PPFIA1: variants seen among roughly 807,000 people sequenced by gnomAD.
PPFIA1 encodes the protein PPFI scaffold protein A1.
PPFIA1 carries 25 observed loss-of-function variants against 149.9 expected under a neutral mutation model. That is an observed-to-expected ratio of 0.17 (90% confidence interval 0.12 to 0.23). The LOEUF (loss-of-function observed/expected upper bound fraction) is 0.23. Ranked by LOEUF, PPFIA1 falls within the 10% of genes least tolerant of loss-of-function variation. The probability of loss-of-function intolerance (pLI) is 1.00; values close to 1 mark genes in which losing one functional copy is unlikely to be tolerated. For missense variants in PPFIA1, 1,362 were observed against 1,506.5 expected (o/e 0.90, Z 1.59); for synonymous variants, 549 against 552.8 (o/e 0.99, Z 0.10).
At chr11:70,306,144 C>T (rs1178439535) in intron 2 of PPFIA1, among the ~76,000 whole-genome samples, 1 of 152,160 alleles carries the variant, frequency 6.6e-6, no homozygotes, top group Non-Finnish European at 1.5e-5. Flanking sequence ...TGGAGTAAAA[C>T]ATGCACGCAC....
chr11:70,363,806 G>A (rs909790002), intron 21 of PPFIA1, among the ~76,000 whole-genome samples: 4 of 152,156 alleles, frequency 2.6e-5, no homozygotes, highest in Non-Finnish European at 5.9e-5. Context: ...GAGCCACCAT[G>A]CCCAGCCAGA....
At chr11:70,325,893 A>G (rs2054239248) in intron 5 of PPFIA1, among the ~76,000 whole-genome samples, 1 of 150,488 alleles carries the variant, frequency 6.6e-6, no homozygotes, top group African/African-American at 2.5e-5. Context: ...AGATTGCACC[A>G]TTGCACTCCA....
intron 2 of PPFIA1, among the ~76,000 whole-genome samples, chr11:70,280,500 C>T (rs941123723): frequency 1.4e-4 from 21 of 152,182 alleles, no homozygotes; most frequent in African/African-American, 5.1e-4. Context: ...ACCTGGGAGA[C>T]GGAGGTTGCA....
intron 16 of PPFIA1, among the ~76,000 whole-genome samples, chr11:70,352,407 A>G (rs2056103813): frequency 2.0e-5 from 3 of 152,004 alleles, no homozygotes; most frequent in Admixed American, 2.0e-4. Flanking sequence ...TTTTTTCTTT[A>G]TTTTTTGATA....
chr11:70,287,224 G>A (rs59705598), intron 2 of PPFIA1, among the ~76,000 whole-genome samples: 3,610 of 152,016 alleles, frequency 0.024, 161 homozygotes, highest in African/African-American at 0.083. Context: ...ATTCCTCCTC[G>A]GGCTGAAGAC....
chr11:70,308,565 A>G (rs1277173626), intron 2 of PPFIA1, among the ~76,000 whole-genome samples: 1 of 152,226 alleles, frequency 6.6e-6, no homozygotes, highest in Non-Finnish European at 1.5e-5. Flanking sequence ...ACTGGATGTC[A>G]TATGTTTGTA....
At chr11:70,305,580 G>A (rs583347) in intron 2 of PPFIA1, among the ~76,000 whole-genome samples, 66,209 of 151,872 alleles carry the variant, frequency 0.44, 16,106 homozygotes, top group African/African-American at 0.65. Flanking sequence ...CCTGCTGCCT[G>A]GGCTGGTCTC....
At position 70,339,844 on chromosome 11, in the gene PPFIA1, G is replaced by A. The variant is rs1424400387; in HGVS notation, c.1707+538G>A. On this transcript the variant is annotated intron_variant, in intron 14 of 27. Transcript: ENST00000253925. ...AGCCTGGTCAACATGGTGAAACCCC[G>A]TCTCTACTAAAAATACAAAAAATTA... 2.6e-5 allele frequency among the ~76,000 whole-genome samples: 4 copies of A among 152,042 alleles called. No individual in the cohort carries two copies. In the South Asian group the frequency reaches 6.2e-4, roughly 24 times the overall value.
chr11:70,364,074 G>A (rs967234044), intron 21 of PPFIA1, among the ~76,000 whole-genome samples: 2 of 152,016 alleles, frequency 1.3e-5, no homozygotes, highest in Admixed American at 1.3e-4. Context: ...TCCAGTTTGC[G>A]GACATTTTTT....
chr11:70,307,293 G>A (rs1303480793), intron 2 of PPFIA1, among the ~76,000 whole-genome samples: 4 of 152,146 alleles, frequency 2.6e-5, no homozygotes, highest in Non-Finnish European at 4.4e-5. Context: ...ATTTGTAATC[G>A]CAAAAGATTG....
intron 21 of PPFIA1, among the ~76,000 whole-genome samples, chr11:70,369,779 A>G (rs771289240): frequency 3.3e-4 from 50 of 152,214 alleles, no homozygotes; most frequent in Non-Finnish European, 6.3e-4. Flanking sequence ...TATTGAATCT[A>G]TATTGATGTC....
chr11:70,373,496 T>A (rs1253437521), intron 23 of PPFIA1: 3 of 152,200 alleles, frequency 2.0e-5, no homozygotes, highest in Non-Finnish European at 2.9e-5. Context: ...TCCAAAGTGT[T>A]GGGATTACAG....
intron 2 of PPFIA1, among the ~76,000 whole-genome samples, chr11:70,308,590 A>T (rs2053037850): frequency 6.6e-6 from 1 of 152,200 alleles, no homozygotes; most frequent in Non-Finnish European, 1.5e-5. Flanking sequence ...GTTATTTTCT[A>T]GTGTTTTAAA....
chr11:70,324,934 G>A lies in PPFIA1; in HGVS notation c.454G>A (p.Ala152Thr), dbSNP rs969145598. ...GGTGAAGAGACAAGCGCAGTCTCCA[G>A]CAGGCGTGTCCAGCGAAGTGGAAGT... ...TVVKRQAQSPAGVSSEVEVLK... is the reference protein window; with the variant it reads ...TVVKRQAQSPTGVSSEVEVLK... Residue 152 changes from alanine (A) to threonine (T), a missense_variant, in exon 4 of 28, where the codon GCA becomes ACA. Physicochemically the swap from Ala to Thr is moderately conservative, Grantham distance 58. Around this residue, in one of 7 missense-constraint regions of PPFIA1, gnomAD observed 79 missense variants for 146.2 expected, o/e 0.54. Coordinates refer to ENST00000253925, the MANE Select transcript of PPFIA1 (RefSeq NM_003626.5). 1 of 1,613,978 alleles carries A rather than the reference G, an allele frequency of 6.2e-7. No individual in the cohort carries two copies. The highest frequency in any genetic ancestry group is 1.3e-5 in the African/African-American group (1 of 74,946).
chr11:70,347,907 G>A (rs1406207481), intron 15 of PPFIA1, among the ~76,000 whole-genome samples: 2 of 152,176 alleles, frequency 1.3e-5, no homozygotes, highest in Non-Finnish European at 2.9e-5. Flanking sequence ...GGAGGCTGAG[G>A]CAGGAGAATT....
intron 26 of PPFIA1, 79 bp from the exon 27 acceptor site, chr11:70,382,009 C>A: frequency 1.6e-6 from 2 of 1,266,426 alleles, no homozygotes; most frequent in South Asian, 1.3e-5. Context: ...AGATGTGTGT[C>A]TACTTGTGCC....
chr11:70,299,794 T>G (rs900755599), intron 2 of PPFIA1, among the ~76,000 whole-genome samples: 2 of 152,168 alleles, frequency 1.3e-5, no homozygotes, highest in African/African-American at 4.8e-5. Context: ...GCCTTTGATG[T>G]TCTCGTCTCA....
rs928696350 is a variant in PPFIA1 at position 70,362,081 on chromosome 11, C to T, written c.2583-14C>T. On this transcript the variant is annotated splice_polypyrimidine_tract_variant and intron_variant, in intron 19 of 27. Transcript: ENST00000253925. Reference sequence around the variant, plus strand: ...TGGCTGATTCTTTAATTTTCAATATCTTCTCCTTTATAGGCATGAATTGCT... The same window carrying T: ...TGGCTGATTCTTTAATTTTCAATATTTTCTCCTTTATAGGCATGAATTGCT... 1 of 1,612,294 alleles carries T rather than the reference C, an allele frequency of 6.2e-7. No homozygotes were observed. Among genetic ancestry groups the T allele is most frequent in the African/African-American group, 1.3e-5 (1 of 74,868 alleles).
In PPFIA1 at chr11:70,326,766, A is replaced by T. The variant is rs2054316524; in HGVS notation, c.878A>T (p.Asp293Val). Residue 293 changes from aspartate to valine, a missense_variant, in exon 7 of 28, where the codon GAT (aspartate) becomes GTT (valine). Around this residue, in one of 7 missense-constraint regions of PPFIA1, gnomAD observed 733 missense variants for 744.1 expected, o/e 0.99. Transcript: ENST00000253925. ...GAGGATCTGGACACGGCTAGAAAAG[A>T]TCTCATCAAATCTGAAGAAATGAAC... is the stretch of plus-strand genomic sequence containing the variant. ...LEEDLDTARK[D>V]LIKSEEMNTK... is the part of the protein sequence containing the mutation. The T allele has an allele frequency of 1.2e-6, 2 of 1,614,090 alleles. No homozygotes were observed. The highest frequency in any genetic ancestry group is 2.7e-5 in the African/African-American group (2 of 74,934).
Sources: gnomAD v4.1 joint callset for allele counts (sites outside exome capture counted in the v4.1 genomes callset) on GRCh38, gnomAD v4.1.1 for gene constraint, gnomAD v4.1.1 regional missense constraint, MANE v1.5 for transcripts, NCBI Gene and HGNC (gene_info 2026-07-23, HGNC 2026-07-21) for gene names.